SLC24A2: variants seen among roughly 807,000 people sequenced by gnomAD.
SLC24A2 encodes sodium/potassium/calcium exchanger 2.
SLC24A2 carries 36 observed loss-of-function variants against 62.0 expected under a neutral mutation model. The observed-to-expected ratio is 0.58, with a 90% confidence interval of 0.44 to 0.77. SLC24A2 has a LOEUF of 0.77. SLC24A2 is among the 30% of genes least tolerant of loss of function. The probability of loss-of-function intolerance (pLI) is 0.00; values close to 1 mark genes in which losing one functional copy is unlikely to be tolerated. For synonymous variants in SLC24A2, 358 were observed against 294.0 expected (o/e 1.22, Z -2.23); for missense variants, 846 against 817.9 (o/e 1.03, Z -0.42).
At chr9:20,020,794 A>G in the SLC24A2 span, among the ~76,000 whole-genome samples, 1 of 152,212 alleles carries the variant, frequency 6.6e-6, no homozygotes, top group African/African-American at 2.4e-5. Context: ...TTTCCTCTAC[A>G]TCACTAAGTA....
At chr9:19,597,517 G>C (rs1010620223) in intron 4 of SLC24A2, among the ~76,000 whole-genome samples, 1 of 151,990 alleles carries the variant, frequency 6.6e-6, no homozygotes, top group Non-Finnish European at 1.5e-5. Context: ...TTACAGAATA[G>C]GGCACAGTTA....
chr9:19,710,972 T>C (rs1406297351), intron 2 of SLC24A2, among the ~76,000 whole-genome samples: 2 of 152,228 alleles, frequency 1.3e-5, no homozygotes, highest in African/African-American at 2.4e-5. Context: ...AATAAATGCC[T>C]ATTTTCTTTT....
At chr9:19,694,347 A>C (rs1820125546) in intron 2 of SLC24A2, among the ~76,000 whole-genome samples, 1 of 152,042 alleles carries the variant, frequency 6.6e-6, no homozygotes, top group African/African-American at 2.4e-5. Flanking sequence ...TTATGTAAGT[A>C]TTTGTTCTCT....
chr9:19,960,649 T>A, the SLC24A2 span, among the ~76,000 whole-genome samples: 5 of 152,208 alleles, frequency 3.3e-5, no homozygotes, highest in Non-Finnish European at 7.3e-5. Flanking sequence ...GTACTTAGTG[T>A]GTCCCACAGA....
intron 2 of SLC24A2, among the ~76,000 whole-genome samples, chr9:19,755,316 A>G (rs1028420340): frequency 6.6e-6 from 1 of 152,156 alleles, no homozygotes; most frequent in African/African-American, 2.4e-5. Context: ...GTACACTTCT[A>G]TTATTGCAGT....
chr9:19,546,315 G>A lies in SLC24A2; in HGVS notation c.1479+3822C>T, dbSNP rs369381310. Among the ~76,000 whole-genome samples, 22 of 152,314 alleles carry A rather than the reference G, an allele frequency of 1.4e-4. No homozygotes were observed. The South Asian group carries it at 3.9e-3, about 27-fold the overall frequency. On this transcript the variant is annotated intron_variant, in intron 8 of 10. Transcript: ENST00000341998. ...AACCGCCCCTTCCGCCAGATGCTCT[G>A]TCCCAGGGAGATGGGGGTTTTATCT...
chr9:19,906,905 G>A, the SLC24A2 span, among the ~76,000 whole-genome samples: 3 of 152,134 alleles, frequency 2.0e-5, no homozygotes, highest in Non-Finnish European at 4.4e-5. Flanking sequence ...GTACAAGGAG[G>A]AGCTGGCACC....
the SLC24A2 span, among the ~76,000 whole-genome samples, chr9:19,984,496 A>T: frequency 6.6e-6 from 1 of 152,304 alleles, no homozygotes; most frequent in Non-Finnish European, 1.5e-5. Flanking sequence ...ATCTGAGGTC[A>T]GGAGTTCAAG....
intron 2 of SLC24A2, among the ~76,000 whole-genome samples, chr9:19,762,175 T>C (rs1822354825): frequency 6.6e-6 from 1 of 152,128 alleles, no homozygotes; most frequent in South Asian, 2.1e-4. Context: ...TTCTTGTAAA[T>C]TTGTTGAAGT....
chr9:19,810,430 G>T, the SLC24A2 span, among the ~76,000 whole-genome samples: 1 of 152,184 alleles, frequency 6.6e-6, no homozygotes, highest in Non-Finnish European at 1.5e-5. Context: ...AATAACACAA[G>T]GAACTGTGAT....
At chr9:20,099,985 A>G in the SLC24A2 span, among the ~76,000 whole-genome samples, 1 of 151,954 alleles carries the variant, frequency 6.6e-6, no homozygotes, top group South Asian at 2.1e-4. Context: ...ACTCTCTCTT[A>G]TTATGAGGCT....
chr9:19,545,250 T>G (rs1350333767), intron 8 of SLC24A2, among the ~76,000 whole-genome samples: 1 of 151,974 alleles, frequency 6.6e-6, no homozygotes, highest in South Asian at 2.1e-4. Flanking sequence ...CTTCACAGAA[T>G]TCTCATGCTG....
rs1466023158 is a variant in SLC24A2, at chr9:19,786,097, A to C, written c.770T>G (p.Leu257Arg). The C allele has an allele frequency of 6.2e-7, 1 of 1,614,218 alleles. No individual in the cohort carries two copies. Among genetic ancestry groups the C allele is most frequent in the East Asian group, 2.2e-5 (1 of 44,886 alleles). The change falls in exon 2 of 11, where the codon CTG becomes CGG. Residue 257 changes from leucine to arginine, a missense_variant. Leu to Arg is a moderately radical substitution (Grantham distance 102). Coordinates refer to ENST00000341998, the MANE Select transcript of SLC24A2 (RefSeq NM_020344.4). This position sits in a 1 kb window ranked among gnomAD's most constrained non-coding sequence, Gnocchi z 5.0. ...TTCCCACCACATGATGACATTATCC[A>C]GGAAAAATATGATCAGCATGATCAA... ...VDLIMLIIFF[L>R]DNVIMWWESL...
At chr9:19,812,678 T>A in the SLC24A2 span, among the ~76,000 whole-genome samples, 1 of 152,224 alleles carries the variant, frequency 6.6e-6, no homozygotes, top group Non-Finnish European at 1.5e-5. Flanking sequence ...TTGTGGCATA[T>A]GGTACTGTCT....
Position 19,619,604 on chromosome 9 carries a change from G to C in SLC24A2, c.1058C>G (p.Thr353Ser), listed in dbSNP as rs1211485896. 1.4e-5 allele frequency: 23 copies of C among 1,613,686 alleles called. No individual in the cohort carries two copies. Among genetic ancestry groups the C allele is most frequent in the Non-Finnish European group, 1.9e-5 (22 of 1,179,572 alleles). The change falls in exon 4 of 11, where the codon ACC becomes AGC. Residue 353 changes from threonine (T) to serine (S), a missense_variant. Physicochemically the swap from Thr to Ser is moderately conservative, Grantham distance 58 (BLOSUM62 1). Coordinates refer to ENST00000341998, the MANE Select transcript of SLC24A2 (RefSeq NM_020344.4). ...TTTACCTTCGGCGAGTGGGTCAAGG[G>C]TGTGTATCATGAGTTGGAAGATGCT... ...RNSIFQLMIHTLDPLAEELGS... is the reference protein window; with the variant it reads ...RNSIFQLMIHSLDPLAEELGS...
At chr9:20,045,036 A>G in the SLC24A2 span, among the ~76,000 whole-genome samples, 86 of 152,300 alleles carry the variant, frequency 5.6e-4, no homozygotes, top group African/African-American at 2.0e-3. Context: ...TGTCTGGTAT[A>G]AAGTTAGTGC....
At chr9:20,220,663 G>C in the SLC24A2 span, among the ~76,000 whole-genome samples, 5 of 152,164 alleles carry the variant, frequency 3.3e-5, no homozygotes, top group Admixed American at 2.0e-4. Flanking sequence ...GTTGGTTGCA[G>C]AGTTTCCTAT....
the SLC24A2 span, among the ~76,000 whole-genome samples, chr9:20,237,634 C>G: frequency 3.3e-5 from 5 of 152,200 alleles, no homozygotes; most frequent in Non-Finnish European, 5.9e-5. Flanking sequence ...TTTTGCTATT[C>G]ATGCTCAAGA....
chr9:19,918,754 C>T, the SLC24A2 span, among the ~76,000 whole-genome samples: 2 of 152,124 alleles, frequency 1.3e-5, no homozygotes, highest in African/African-American at 4.8e-5. Context: ...AAGAAAAGCC[C>T]AAAGCCTGGG....
Sources: gnomAD v4.1 joint callset for allele counts (sites outside exome capture counted in the v4.1 genomes callset) on GRCh38, gnomAD v4.1.1 for gene constraint, Gnocchi (gnomAD v3.1) non-coding constraint, MANE v1.5 for transcripts, NCBI Gene and HGNC (gene_info 2026-07-23, HGNC 2026-07-21) for gene names.